SPTLC3: variants seen among roughly 807,000 people sequenced by gnomAD.
SPTLC3 encodes serine palmitoyltransferase 3.
SPTLC3 carries 36 observed loss-of-function variants against 59.3 expected under a neutral mutation model. The ratio of observed to expected loss-of-function variants is 0.61; its 90% CI spans 0.47 to 0.80. The LOEUF (loss-of-function observed/expected upper bound fraction) is 0.80, where lower values mean the gene tolerates loss of function less well. Ranked by LOEUF, SPTLC3 falls within the 30% of genes least tolerant of loss-of-function variation. The pLI is 0.00. For synonymous variants in SPTLC3, 257 were observed against 240.8 expected (o/e 1.07, Z -0.62); for missense variants, 625 against 685.1 (o/e 0.91, Z 0.98).
At chr20:13,117,388 T>A (rs1164907692) in intron 7 of SPTLC3, 118 bp from the exon 8 acceptor site, 1 of 1,000,842 alleles carries the variant, frequency 1.0e-6, no homozygotes, top group Admixed American at 2.7e-5. Flanking sequence ...AAACATGCCT[T>A]CAGAACAAAG....
intron 11 of SPTLC3, among the ~76,000 whole-genome samples, chr20:13,161,282 T>C (rs1398667411): frequency 6.6e-6 from 1 of 152,134 alleles, no homozygotes; most frequent in East Asian, 1.9e-4. Context: ...AAATTTTCAA[T>C]GGGAGTGGGG....
At chr20:13,132,836 G>T (rs1051509777) in intron 9 of SPTLC3, 1 of 151,922 alleles carries the variant, frequency 6.6e-6, no homozygotes, top group Non-Finnish European at 1.5e-5. Flanking sequence ...CAGCCACCGA[G>T]CCTCAACCCA....
At chr20:13,121,975 T>A (rs1232689465) in intron 8 of SPTLC3, among the ~76,000 whole-genome samples, 3 of 152,230 alleles carry the variant, frequency 2.0e-5, no homozygotes, top group Non-Finnish European at 4.4e-5. Context: ...AGAGCCCTTT[T>A]CAAGATCAAA....
chr20:13,153,269 C>T (rs1354978712), intron 9 of SPTLC3, among the ~76,000 whole-genome samples: 4 of 152,176 alleles, frequency 2.6e-5, no homozygotes, highest in Non-Finnish European at 5.9e-5. Flanking sequence ...CATGCGTGAA[C>T]TCTGCACTGG....
chr20:13,140,879 A>T (rs2038365393), intron 9 of SPTLC3, among the ~76,000 whole-genome samples: 1 of 152,112 alleles, frequency 6.6e-6, no homozygotes, highest in African/African-American at 2.4e-5. Context: ...TATTTCATTT[A>T]CTCTGATTAT....
chr20:13,111,532 G>C (rs537016794), intron 7 of SPTLC3, among the ~76,000 whole-genome samples: 2 of 152,282 alleles, frequency 1.3e-5, no homozygotes, highest in Middle Eastern at 3.4e-3. Context: ...GAGAAAACCT[G>C]TTCTGGTATA....
chr20:13,163,779 A>G (rs1341189414), intron 11 of SPTLC3, among the ~76,000 whole-genome samples: 1 of 152,214 alleles, frequency 6.6e-6, no homozygotes, highest in Non-Finnish European at 1.5e-5. Context: ...TTTTCAAAGC[A>G]TTAGACCCTA....
chr20:13,106,735 T>A (rs1477236257), intron 6 of SPTLC3, among the ~76,000 whole-genome samples: 1 of 152,188 alleles, frequency 6.6e-6, no homozygotes, highest in African/African-American at 2.4e-5. Flanking sequence ...ATTAATCCTC[T>A]CCCAGGGCCA....
intron 4 of SPTLC3, among the ~76,000 whole-genome samples, chr20:13,081,514 A>T (rs1354439710): frequency 6.6e-6 from 1 of 152,226 alleles, no homozygotes; most frequent in Non-Finnish European, 1.5e-5. Flanking sequence ...TAAATATGCA[A>T]TATGCCTAAA....
chr20:13,064,791 G>A (rs916908847), intron 2 of SPTLC3, among the ~76,000 whole-genome samples: 1 of 152,132 alleles, frequency 6.6e-6, no homozygotes, highest in Admixed American at 6.5e-5. Context: ...TGGAAAATAT[G>A]ATGTCTTCAT....
intron 7 of SPTLC3, among the ~76,000 whole-genome samples, chr20:13,113,549 T>C (rs548755206): frequency 9.2e-5 from 14 of 152,268 alleles, no homozygotes; most frequent in African/African-American, 3.1e-4. Flanking sequence ...ATAATAATAA[T>C]GTCACCATTC....
Position 13,126,689 on chromosome 20 carries a change from T to C in SPTLC3, c.1251T>C (p.Leu417=), listed in dbSNP as rs934149593. The change falls in exon 9 of 12, where the codon CTT becomes CTC. Residue 417 remains leucine, a synonymous_variant. Coordinates refer to ENST00000399002, the MANE Select transcript of SPTLC3 (RefSeq NM_018327.4). ...AGCAAATCATCAGATCACTAAAACT[T>C]ATCATGGGACTGGATGGGACCACTC... ...IAEQIIRSLK[L]IMGLDGTTQG... is the part of the protein sequence containing the mutation. 1 of 1,613,900 alleles carries C rather than the reference T, an allele frequency of 6.2e-7. No homozygotes were observed. The highest frequency in any genetic ancestry group is 1.3e-5 in the African/African-American group (1 of 74,916).
chr20:13,010,044 T>C (rs376535902), intron 1 of SPTLC3, among the ~76,000 whole-genome samples: 6,013 of 140,396 alleles, frequency 0.043, 393 homozygotes, highest in African/African-American at 0.15. Flanking sequence ...TTGACACTTT[T>C]TTTTTTTTTC....
rs2038989397 is a variant in SPTLC3, at chr20:13,166,743, T to C, written c.*1876T>C. On this transcript the variant is annotated 3_prime_UTR_variant, in exon 12 of 12. Coordinates refer to ENST00000399002, the MANE Select transcript of SPTLC3 (RefSeq NM_018327.4). ...TCCTTCCACAAGGTATGGAAAGCAA[T>C]AAACATCTTCCTTTCTTTCTGGATC... 1 of 152,170 alleles carries C rather than the reference T, an allele frequency of 6.6e-6. No homozygotes were observed. 9.4% of individuals were successfully genotyped at this position (152,170 alleles called of 1,614,324 possible).
In SPTLC3 at chr20:13,009,141, T is replaced by C. The variant is rs1480651670; in HGVS notation, c.-127T>C. On this transcript the variant is annotated 5_prime_UTR_variant, in exon 1 of 12. Coordinates refer to ENST00000399002, the MANE Select transcript of SPTLC3 (RefSeq NM_018327.4). Reference sequence around the variant, plus strand: ...CTGTTGCTCTTCTTCTGGAAAAGCCTGATTGGTAAGATTCCTTTAAGGGCT... The same window carrying C: ...CTGTTGCTCTTCTTCTGGAAAAGCCCGATTGGTAAGATTCCTTTAAGGGCT... 7 of 709,294 alleles carry C rather than the reference T, an allele frequency of 9.9e-6. No homozygotes were observed. In the East Asian group the frequency reaches 1.8e-4, roughly 18 times the overall value. 43.9% of individuals were successfully genotyped at this position (709,294 alleles called of 1,614,324 possible).
chr20:13,118,448 G>GAAAAAAAAAAAAAAAAAAAAAA (rs376312661), intron 8 of SPTLC3, among the ~76,000 whole-genome samples: 1 of 108,720 alleles, frequency 9.2e-6, no homozygotes, highest in Non-Finnish European at 1.8e-5. Flanking sequence ...AGAGGTTTGT[G>GAAAAAAAAAAAAAAAAAAAAAA]GAAAAAAAAA....
Position 13,164,894 on chromosome 20 carries a change from A to G in SPTLC3, c.*27A>G, listed in dbSNP as rs748859192. 34 of 1,575,196 alleles carry G rather than the reference A, an allele frequency of 2.2e-5. 1 individual carries two copies. The South Asian group carries it at 3.3e-4, about 15-fold the overall frequency. On this transcript the variant is annotated 3_prime_UTR_variant, in exon 12 of 12. Transcript: ENST00000399002. ...TTTCCTGGTCCTGAATGACACATAAAGACTTTGCGAGAAAGACCTCCCTCC... is the reference window on the plus strand; with the variant it reads ...TTTCCTGGTCCTGAATGACACATAAGGACTTTGCGAGAAAGACCTCCCTCC...
At chr20:13,127,759 G>C (rs960444981) in intron 9 of SPTLC3, among the ~76,000 whole-genome samples, 2 of 152,126 alleles carry the variant, frequency 1.3e-5, no homozygotes, top group Admixed American at 6.5e-5. Flanking sequence ...CACTAAAGCA[G>C]GGTAAAGGCC....
chr20:13,060,662 G>A (rs1180074972), intron 2 of SPTLC3, among the ~76,000 whole-genome samples: 1 of 125,970 alleles, frequency 7.9e-6, no homozygotes, highest in African/African-American at 3.1e-5. Context: ...ATCCATGTGT[G>A]TGCATTATTC....
Sources: gnomAD v4.1 joint callset for allele counts (sites outside exome capture counted in the v4.1 genomes callset) on GRCh38, gnomAD v4.1.1 for gene constraint, MANE v1.5 for transcripts, NCBI Gene and HGNC (gene_info 2026-07-23, HGNC 2026-07-21) for gene names.